Variants in CNTNAP2 observed in about 807,000 individuals in gnomAD.
CNTNAP2 encodes the protein contactin associated protein 2.
Under a neutral mutation model 155.2 loss-of-function variants are expected in CNTNAP2, and 98 were observed. The ratio of observed to expected loss-of-function variants is 0.63; its 90% confidence interval spans 0.54 to 0.75. The LOEUF (loss-of-function observed/expected upper bound fraction) is 0.75. CNTNAP2 is among the 30% of genes least tolerant of loss of function. The probability of loss-of-function intolerance (pLI) is 0.00; values close to 1 mark genes in which losing one functional copy is unlikely to be tolerated. For missense variants in CNTNAP2, 1,727 were observed against 1,688.1 expected (o/e 1.02, Z -0.40); for synonymous variants, 651 against 631.2 (o/e 1.03, Z -0.47).
intron 8 of CNTNAP2, among the ~76,000 whole-genome samples, chr7:147,227,009 A>T (rs1803561955): frequency 6.6e-6 from 1 of 152,232 alleles, no homozygotes; most frequent in African/African-American, 2.4e-5. Context: ...TATATTAGAA[A>T]AGGATAAGGG....
intron 10 of CNTNAP2, among the ~76,000 whole-genome samples, chr7:147,441,842 T>TCTCTCCCC (rs1163623673): frequency 1.7e-5 from 2 of 114,488 alleles, no homozygotes; most frequent in African/African-American, 6.2e-5. Context: ...TCTCTCTCTC[T>TCTCTCCCC]CTCTCTCTCC....
intron 1 of CNTNAP2, among the ~76,000 whole-genome samples, chr7:146,253,196 C>T (rs1432785108): frequency 6.6e-6 from 1 of 152,162 alleles, no homozygotes; most frequent in African/African-American, 2.4e-5. Flanking sequence ...CTGCCATTTC[C>T]TCACTATACT....
intron 20 of CNTNAP2, among the ~76,000 whole-genome samples, chr7:148,260,536 C>T (rs1796539728): frequency 6.6e-6 from 1 of 152,218 alleles, no homozygotes; most frequent in Non-Finnish European, 1.5e-5. Context: ...GGGTTTATCC[C>T]TTGTTGCAGT....
intron 14 of CNTNAP2, among the ~76,000 whole-genome samples, chr7:147,939,151 G>A (rs1052178616): frequency 1.2e-4 from 18 of 152,038 alleles, no homozygotes; most frequent in African/African-American, 4.3e-4. Context: ...ATAAAAAGAT[G>A]TTCGCATAAA....
chr7:148,263,252 A>C (rs1321521672), intron 20 of CNTNAP2: 1 of 152,214 alleles, frequency 6.6e-6, no homozygotes, highest in African/African-American at 2.4e-5. Flanking sequence ...TTGGATTAGA[A>C]CTGTACAGCA....
intron 2 of CNTNAP2, among the ~76,000 whole-genome samples, chr7:146,833,923 T>C (rs938466173): frequency 6.6e-6 from 1 of 152,178 alleles, no homozygotes; most frequent in Admixed American, 6.6e-5. Flanking sequence ...TTTCTTCTTA[T>C]CTATCTTATC....
intron 1 of CNTNAP2, among the ~76,000 whole-genome samples, chr7:146,738,805 A>G (rs970536895): frequency 4.8e-5 from 7 of 146,180 alleles, no homozygotes; most frequent in African/African-American, 1.8e-4. Context: ...TACTGATTTA[A>G]TCTCCTTACT....
intron 1 of CNTNAP2, among the ~76,000 whole-genome samples, chr7:146,754,216 T>C (rs1801953455): frequency 6.6e-6 from 1 of 152,026 alleles, no homozygotes; most frequent in African/African-American, 2.4e-5. Flanking sequence ...ATGCTATTTC[T>C]TCCAGAGACA....
rs542026836 is a variant in CNTNAP2, at chr7:148,265,758, G to A, written c.3382-1275G>A. 7.9e-5 allele frequency among the ~76,000 whole-genome samples: 12 copies of A among 152,324 alleles called. No homozygotes were observed. The East Asian group carries it at 1.2e-3, about 15-fold the overall frequency. On this transcript the variant is annotated intron_variant, in intron 20 of 23. Transcript: ENST00000361727. ...CAAAAATCTAAAATGTTCTTGAGAT[G>A]TGAGGACCCTTTGACTCTTAACCGT...
chr7:146,375,658 T>C (rs1460071847), intron 1 of CNTNAP2, among the ~76,000 whole-genome samples: 1 of 152,206 alleles, frequency 6.6e-6, no homozygotes, highest in Non-Finnish European at 1.5e-5. Flanking sequence ...GTTTAATGAA[T>C]AACTCTGATT....
chr7:146,560,216 T>A (rs935137068), intron 1 of CNTNAP2, among the ~76,000 whole-genome samples: 1 of 152,040 alleles, frequency 6.6e-6, no homozygotes, highest in Non-Finnish European at 1.5e-5. Context: ...AGGTGGAAAG[T>A]GTGTTAAATA....
At chr7:147,778,992 G>A (rs190398382) in intron 13 of CNTNAP2, among the ~76,000 whole-genome samples, 12 of 151,182 alleles carry the variant, frequency 7.9e-5, no homozygotes, top group Non-Finnish European at 1.3e-4. Flanking sequence ...AATAAAAACA[G>A]AAGATATTCA....
intron 4 of CNTNAP2, among the ~76,000 whole-genome samples, chr7:147,058,235 G>T (rs775094146): frequency 6.6e-6 from 1 of 152,150 alleles, no homozygotes; most frequent in Non-Finnish European, 1.5e-5. Context: ...GATTAGATCT[G>T]CCACATAGTT....
At chr7:146,878,781 G>T (rs1259404038) in intron 3 of CNTNAP2, among the ~76,000 whole-genome samples, 2 of 151,974 alleles carry the variant, frequency 1.3e-5, no homozygotes, top group African/African-American at 4.8e-5. Flanking sequence ...GCAACTGTTT[G>T]CCTTACCTGC....
chr7:147,806,136 C>T (rs1191907366), intron 13 of CNTNAP2, among the ~76,000 whole-genome samples: 2 of 152,104 alleles, frequency 1.3e-5, no homozygotes, highest in Admixed American at 1.3e-4. Context: ...ATATAAAGAA[C>T]ACAACTCAAT....
intron 1 of CNTNAP2, among the ~76,000 whole-genome samples, chr7:146,542,125 T>C (rs1422152827): frequency 6.6e-6 from 1 of 151,866 alleles, no homozygotes; most frequent in Admixed American, 6.6e-5. Flanking sequence ...ATTAAACACA[T>C]CCAGCTTCTT....
chr7:147,860,636 C>T (rs1799120393), intron 13 of CNTNAP2, among the ~76,000 whole-genome samples: 1 of 151,786 alleles, frequency 6.6e-6, no homozygotes, highest in Admixed American at 6.6e-5. Flanking sequence ...CTCTCTCTCT[C>T]TCTTTCCTGC....
intron 12 of CNTNAP2, among the ~76,000 whole-genome samples, chr7:147,582,768 C>G (rs955587184): frequency 6.6e-6 from 1 of 152,032 alleles, no homozygotes; most frequent in Non-Finnish European, 1.5e-5. Context: ...TGGTCTTATT[C>G]TTTCTGAACT....
At chr7:146,869,658 C>A (rs550034886) in intron 3 of CNTNAP2, among the ~76,000 whole-genome samples, 1 of 152,240 alleles carries the variant, frequency 6.6e-6, no homozygotes, top group Admixed American at 6.6e-5. Flanking sequence ...GAGCCCCTTG[C>A]AAACCACTGG....
Sources: gnomAD v4.1 joint callset for allele counts (sites outside exome capture counted in the v4.1 genomes callset) on GRCh38, gnomAD v4.1.1 for gene constraint, MANE v1.5 for transcripts, NCBI Gene and HGNC (gene_info 2026-07-23, HGNC 2026-07-21) for gene names.